The following BBS9 variants were observed in gnomAD, a reference collection of about 807,000 sequenced individuals.
BBS9 encodes protein PTHB1.
In BBS9, 89 loss-of-function variants were observed where a neutral mutation model predicts 117.7. The observed-to-expected ratio is 0.76, with a 90% CI of 0.64 to 0.90. The LOEUF is 0.90. Ranked by LOEUF, BBS9 falls within the 40% of genes least tolerant of loss-of-function variation. BBS9 has a pLI of 0.00. For synonymous variants in BBS9, 379 were observed against 370.9 expected, an observed-to-expected ratio of 1.02 and a Z score of -0.25; for missense variants, 982 against 1,042.2, an observed-to-expected ratio of 0.94 and a Z score of 0.80.
At chr7:33,152,606 T>G in intron 2 of BBS9, 95 bp from the exon 3 acceptor site, 1 of 1,205,624 alleles carries the variant, frequency 8.3e-7, no homozygotes, top group Non-Finnish European at 1.2e-6. Context: ...TTTTAATTTT[T>G]AGATTTCTCT....
chr7:33,539,560 A>G (rs1166683793), intron 21 of BBS9, among the ~76,000 whole-genome samples: 1 of 152,216 alleles, frequency 6.6e-6, no homozygotes, highest in Non-Finnish European at 1.5e-5. Context: ...AATAGTGCAT[A>G]CTCAACTTTG....
At chr7:33,297,837 A>G (rs1805587917) in intron 9 of BBS9, among the ~76,000 whole-genome samples, 1 of 152,184 alleles carries the variant, frequency 6.6e-6, no homozygotes, top group African/African-American at 2.4e-5. Flanking sequence ...TGTTAAACAC[A>G]AATACCATCA....
chr7:33,509,085 G>T (rs1479947944), intron 20 of BBS9, among the ~76,000 whole-genome samples: 2 of 152,110 alleles, frequency 1.3e-5, no homozygotes, highest in Non-Finnish European at 2.9e-5. Flanking sequence ...TACTCATTAT[G>T]TCTTTGGAGT....
At chr7:33,226,587 C>A (rs577611414) in intron 5 of BBS9, among the ~76,000 whole-genome samples, 1 of 152,156 alleles carries the variant, frequency 6.6e-6, no homozygotes, top group Admixed American at 6.5e-5. Flanking sequence ...GATATTTATA[C>A]ATCCTTGTTC....
intron 2 of BBS9, among the ~76,000 whole-genome samples, chr7:33,151,042 A>G (rs1182613817): frequency 1.3e-5 from 2 of 152,196 alleles, no homozygotes. Context: ...GCTTGAGTCC[A>G]GAAGTTTGAG....
At chr7:33,423,848 C>T (rs1833244115) in intron 19 of BBS9, among the ~76,000 whole-genome samples, 1 of 152,180 alleles carries the variant, frequency 6.6e-6, no homozygotes, top group South Asian at 2.1e-4. Context: ...ACAAGTCTGA[C>T]TAGTAAAGCT....
At chr7:33,357,308 A>G (rs1819773424) in intron 15 of BBS9, among the ~76,000 whole-genome samples, 1 of 151,816 alleles carries the variant, frequency 6.6e-6, no homozygotes, top group African/African-American at 2.4e-5. Flanking sequence ...AATGTGTAAA[A>G]TGAACATGGA....
intron 9 of BBS9, among the ~76,000 whole-genome samples, chr7:33,293,801 G>A (rs547931882): frequency 4.6e-5 from 7 of 152,182 alleles, no homozygotes; most frequent in Admixed American, 3.9e-4. Flanking sequence ...GTAATATGCT[G>A]TATTTCTCCC....
intron 21 of BBS9, among the ~76,000 whole-genome samples, chr7:33,554,613 G>A (rs969778399): frequency 3.9e-5 from 6 of 152,160 alleles, no homozygotes; most frequent in African/African-American, 1.4e-4. Flanking sequence ...GTGAGTTGGG[G>A]AGGGCAGAAT....
chr7:33,616,819 C>T (rs1356166661), intron 21 of BBS9, among the ~76,000 whole-genome samples: 1 of 151,854 alleles, frequency 6.6e-6, no homozygotes, highest in Non-Finnish European at 1.5e-5. Context: ...AAATAGTATA[C>T]ATTATATCCC....
Position 33,131,388 on chromosome 7 carries a change from G to A in BBS9, c.-12+1347G>A, listed in dbSNP as rs185563155. 1.7e-4 allele frequency among the ~76,000 whole-genome samples: 26 copies of A among 152,330 alleles called. 1 individual carries two copies. Among genetic ancestry groups the A allele is most frequent in the African/African-American group, 5.5e-4 (23 of 41,580 alleles). ...GTGGTCAGAAAGTGCACCCAGAGCT[G>A]TCCTACTCCAAATTTTGTGTTATTT... On this transcript the variant is annotated intron_variant, in intron 1 of 22. Coordinates refer to ENST00000242067, the MANE Select transcript of BBS9 (RefSeq NM_198428.3).
intron 19 of BBS9, among the ~76,000 whole-genome samples, chr7:33,502,751 A>G (rs1389433467): frequency 6.6e-6 from 1 of 152,116 alleles, no homozygotes; most frequent in Non-Finnish European, 1.5e-5. Flanking sequence ...TGAACCTACA[A>G]CATGCTTAAG....
At chr7:33,325,608 G>C (rs1353177831) in intron 9 of BBS9, among the ~76,000 whole-genome samples, 2 of 152,132 alleles carry the variant, frequency 1.3e-5, no homozygotes, top group Non-Finnish European at 1.5e-5. Context: ...GGGTTTGTTT[G>C]TACCTGTCCT....
intron 18 of BBS9, among the ~76,000 whole-genome samples, chr7:33,385,323 A>G (rs1410015109): frequency 6.6e-6 from 1 of 152,148 alleles, no homozygotes; most frequent in East Asian, 1.9e-4. Flanking sequence ...GGGCGTTGTT[A>G]TGCTTCCTTT....
intron 19 of BBS9, among the ~76,000 whole-genome samples, chr7:33,493,104 T>A (rs1844242301): frequency 6.6e-6 from 1 of 152,060 alleles, no homozygotes; most frequent in Admixed American, 6.5e-5. Context: ...AAGTGATTCT[T>A]GTCCCTTAGC....
At chr7:33,230,545 A>T (rs1051025161) in intron 5 of BBS9, among the ~76,000 whole-genome samples, 1 of 152,162 alleles carries the variant, frequency 6.6e-6, no homozygotes, top group Non-Finnish European at 1.5e-5. Context: ...TGCACCCAAC[A>T]GGTAGTTTTT....
intron 5 of BBS9, among the ~76,000 whole-genome samples, chr7:33,233,325 T>C (rs2128263868): frequency 6.6e-6 from 1 of 152,292 alleles, no homozygotes; most frequent in East Asian, 1.9e-4. Flanking sequence ...AAGGAGTTAA[T>C]AAAATGTCAC....
intron 19 of BBS9, among the ~76,000 whole-genome samples, chr7:33,502,405 G>A (rs183260319): frequency 1.1e-4 from 16 of 152,246 alleles, no homozygotes; most frequent in Admixed American, 1.0e-3. Flanking sequence ...GGGAAGAAAT[G>A]TAAACCGTAG....
chr7:33,172,999 C>A (rs1796829130), intron 4 of BBS9, among the ~76,000 whole-genome samples: 1 of 152,146 alleles, frequency 6.6e-6, no homozygotes, highest in Non-Finnish European at 1.5e-5. Context: ...ATGTAAATTT[C>A]TTTTGCAGAA....
Sources: allele counts gnomAD v4.1 joint callset (sites outside exome capture counted in the v4.1 genomes callset), GRCh38; gene constraint gnomAD v4.1.1; transcripts MANE v1.5; gene names NCBI Gene and HGNC (gene_info 2026-07-23, HGNC 2026-07-21).